Variants in GPR137 observed in about 807,000 individuals in gnomAD.
GPR137 encodes the protein integral membrane protein GPR137.
GPR137 carries 20 observed loss-of-function variants against 38.9 expected under a neutral mutation model. The ratio of observed to expected loss-of-function variants is 0.51; its 90% CI spans 0.36 to 0.75. The LOEUF is 0.75. Among genes scored for constraint, GPR137 ranks in the 30% least tolerant of loss-of-function variants. The probability of loss-of-function intolerance (pLI) is 0.00; values close to 1 mark genes in which losing one functional copy is unlikely to be tolerated. For synonymous variants in GPR137, 226 were observed against 235.8 expected (o/e 0.96, Z 0.38); for missense variants, 456 against 526.4 (o/e 0.87, Z 1.31).
upstream of GPR137, chr11:64,285,388 G>A (rs1021887579): frequency 3.9e-5 from 38 of 984,980 alleles, no homozygotes; most frequent in Middle Eastern, 5.2e-4. Context: ...CAGGTGAGCA[G>A]GGCCGCGGGC....
Position 64,288,897 on chromosome 11 carries a change from C to T in GPR137, c.1032-140C>T. 1.4e-6 allele frequency: 2 copies of T among 1,440,198 alleles called. No homozygotes were observed. Among genetic ancestry groups the T allele is most frequent in the Non-Finnish European group, 1.8e-6 (2 of 1,102,008 alleles). The allele number at this position is 1,440,198 out of a possible 1,614,324, so 89.2% of individuals were successfully genotyped here. A position where few individuals can be genotyped will look rare whatever the true frequency, so the allele number is the denominator to read the frequency against. ...GTTCCTATTGCTAAAGCCTCCACCT[C>T]TTGCCTAGAGATGTACTTTGTCCTG... On this transcript the variant is annotated intron_variant, in intron 6 of 6. Transcript: ENST00000438980. The surrounding 1 kb of genome is among the most constrained non-coding windows in gnomAD (Gnocchi z 5.5).
intron 2 of GPR137, chr11:64,277,186 T>C: frequency 3.5e-6 from 2 of 579,592 alleles, no homozygotes; most frequent in Non-Finnish European, 6.2e-6. Flanking sequence ...GTTTGGATCC[T>C]GCCCCTACCA....
chr11:64,278,722 C>T (rs1047743327), intron 2 of GPR137, among the ~76,000 whole-genome samples: 2 of 152,206 alleles, frequency 1.3e-5, no homozygotes, highest in Non-Finnish European at 2.9e-5. Flanking sequence ...AGACACTGGG[C>T]TGTGTGGGCT....
upstream of GPR137, chr11:64,284,329 C>G: frequency 6.2e-7 from 1 of 1,612,884 alleles, no homozygotes; most frequent in Middle Eastern, 1.6e-4. Flanking sequence ...GAGCTGGAGT[C>G]TTCCTGCTCA....
upstream of GPR137, chr11:64,284,409 C>T: frequency 6.2e-7 from 1 of 1,610,116 alleles, no homozygotes; most frequent in Non-Finnish European, 8.5e-7. Context: ...AGTCAAGGCA[C>T]AGCTGGGGCC....
upstream of GPR137, chr11:64,271,682 G>A (rs375657682): frequency 2.0e-4 from 300 of 1,483,948 alleles, no homozygotes; most frequent in Non-Finnish European, 2.4e-4. Context: ...CTGCCCAGAG[G>A]TTGGGGGGCG....
At position 64,286,159 on chromosome 11, in the gene GPR137, C is replaced by A; in HGVS notation, c.-366C>A. ...GGTATCAGCCGGCTCTCCCCCTCCACCCAGGACGACATGAACGACCGAGGC... is the reference window on the plus strand; with the variant it reads ...GGTATCAGCCGGCTCTCCCCCTCCAACCAGGACGACATGAACGACCGAGGC... On this transcript the variant is annotated 5_prime_UTR_variant, in exon 1 of 7. Transcript: ENST00000438980. 9.6e-7 allele frequency: 1 copy of A among 1,042,548 alleles called. No individual in the cohort carries two copies. The highest frequency in any genetic ancestry group is 1.2e-6 in the Non-Finnish European group (1 of 866,940). 64.6% of individuals were successfully genotyped at this position (1,042,548 alleles called of 1,614,324 possible). A position where few individuals can be genotyped will look rare whatever the true frequency, so the allele number is the denominator to read the frequency against.
At chr11:64,270,861 G>A (rs1395608382), upstream of GPR137, among the ~76,000 whole-genome samples, 1 of 147,320 alleles carries the variant, frequency 6.8e-6, no homozygotes, top group Admixed American at 6.7e-5. Context: ...CTTTGGCCTG[G>A]AGTGGGATCT....
upstream of GPR137, among the ~76,000 whole-genome samples, chr11:64,271,417 A>G (rs911737822): frequency 4.8e-5 from 7 of 145,984 alleles, no homozygotes; most frequent in East Asian, 2.0e-4. Context: ...CAGGCGGGGG[A>G]AGAGCTGGGG....
chr11:64,272,033 G>T (rs189169736), upstream of GPR137, among the ~76,000 whole-genome samples: 4 of 152,316 alleles, frequency 2.6e-5, no homozygotes, highest in Non-Finnish European at 5.9e-5. Flanking sequence ...AATCCTTACC[G>T]AGTGCCAATA....
In GPR137 at chr11:64,288,904, A is replaced by G. The variant is rs1469570641; in HGVS notation, c.1032-133A>G. On this transcript the variant is annotated intron_variant, in intron 6 of 6. Coordinates refer to ENST00000438980, the MANE Select transcript of GPR137 (RefSeq NM_001170880.2). This position sits in a 1 kb window ranked among gnomAD's most constrained non-coding sequence, Gnocchi z 5.5. ...TTGCTAAAGCCTCCACCTCTTGCCT[A>G]GAGATGTACTTTGTCCTGGGCCCCG... 1.2e-5 allele frequency: 17 copies of G among 1,436,254 alleles called. No individual in the cohort carries two copies. Among genetic ancestry groups the G allele is most frequent in the Non-Finnish European group, 1.5e-5 (17 of 1,098,588 alleles). The allele number at this position is 1,436,254 out of a possible 1,614,324, so 89.0% of individuals were successfully genotyped here.
chr11:64,286,307 C>G lies in GPR137; in HGVS notation c.-218C>G. ...GAGAAAAGAGACTGCCCTTCCATGC[C>G]CCTGAGTGAGGGGCCTGGGGCCCAG... On this transcript the variant is annotated 5_prime_UTR_variant, in exon 1 of 7. Transcript: ENST00000438980. 1 of 1,402,238 alleles carries G rather than the reference C, an allele frequency of 7.1e-7. No homozygotes were observed. Among genetic ancestry groups the G allele is most frequent in the Non-Finnish European group, 9.2e-7 (1 of 1,083,576 alleles). 86.9% of individuals were successfully genotyped at this position (1,402,238 alleles called of 1,614,324 possible).
Position 64,288,100 on chromosome 11 carries a change from C to T in GPR137, c.669C>T (p.Gly223=), listed in dbSNP as rs147288418. The T allele has an allele frequency of 1.4e-4, 221 of 1,612,014 alleles. No individual in the cohort carries two copies. Among genetic ancestry groups the T allele is most frequent in the African/African-American group, 2.9e-4 (22 of 75,028 alleles). ...TSVCQAAAMG[G]AMVLLYASRA... is the part of the protein sequence containing the mutation. ...TGTGCCAGGCGGCCGCGATGGGTGG[C>T]GCCATGGTCCTGCTCTATGCCAGCC... The change falls in exon 4 of 7, where the codon GGC becomes GGT. Residue 223 remains glycine, a synonymous_variant. Coordinates refer to ENST00000438980, the MANE Select transcript of GPR137 (RefSeq NM_001170880.2). The surrounding 1 kb of genome is among the most constrained non-coding windows in gnomAD (Gnocchi z 5.5).
intron 2 of GPR137, among the ~76,000 whole-genome samples, chr11:64,277,443 T>C (rs2033151142): frequency 6.6e-6 from 1 of 152,160 alleles, no homozygotes. Flanking sequence ...TTCCTTTTTG[T>C]TTTTAAAAAA....
chr11:64,288,853 A>G lies in GPR137; in HGVS notation c.1031+132A>G. The stretch of plus-strand genomic sequence containing the variant: ...CCATGGCCTTTGCTTCCCCATCTGT[A>G]CTAGGTGAGGTCCCCTGGGTTCCTA... On this transcript the variant is annotated intron_variant, in intron 6 of 6. Coordinates refer to ENST00000438980, the MANE Select transcript of GPR137 (RefSeq NM_001170880.2). This position sits in a 1 kb window ranked among gnomAD's most constrained non-coding sequence, Gnocchi z 5.5. 6.9e-7 allele frequency: 1 copy of G among 1,440,670 alleles called. No homozygotes were observed. Among genetic ancestry groups the G allele is most frequent in the East Asian group, 2.5e-5 (1 of 39,984 alleles). 89.2% of individuals were successfully genotyped at this position (1,440,670 alleles called of 1,614,324 possible).
chr11:64,284,650 C>T (rs1177656494), upstream of GPR137: 1 of 1,532,982 alleles, frequency 6.5e-7, no homozygotes, highest in Non-Finnish European at 8.7e-7. Flanking sequence ...GATCTCGAGG[C>T]CCCTGACCCG....
upstream of GPR137, chr11:64,285,316 G>A (rs886312461): frequency 8.1e-6 from 8 of 985,494 alleles, no homozygotes; most frequent in Non-Finnish European, 8.4e-6. Flanking sequence ...GAGGAGGGCC[G>A]GGGACCCGGT....
chr11:64,270,932 C>CACACA (rs2032478638), upstream of GPR137, among the ~76,000 whole-genome samples: 1 of 92,592 alleles, frequency 1.1e-5, no homozygotes. Context: ...CACACACACA[C>CACACA]GCCTGGAGTG....
chr11:64,288,845 C>T lies in GPR137; in HGVS notation c.1031+124C>T, dbSNP rs202135820. 6.9e-7 allele frequency: 1 copy of T among 1,446,454 alleles called. No individual in the cohort carries two copies. Among genetic ancestry groups the T allele is most frequent in the East Asian group, 2.5e-5 (1 of 40,228 alleles). The allele number at this position is 1,446,454 out of a possible 1,614,324, so 89.6% of individuals were successfully genotyped here. ...CACCCCTGCCATGGCCTTTGCTTCC[C>T]CATCTGTACTAGGTGAGGTCCCCTG... On this transcript the variant is annotated intron_variant, in intron 6 of 6. Coordinates refer to ENST00000438980, the MANE Select transcript of GPR137 (RefSeq NM_001170880.2). This position sits in a 1 kb window ranked among gnomAD's most constrained non-coding sequence, Gnocchi z 5.5.
Sources: allele counts gnomAD v4.1 joint callset (sites outside exome capture counted in the v4.1 genomes callset), GRCh38; gene constraint gnomAD v4.1.1; non-coding constraint Gnocchi (gnomAD v3.1); transcripts MANE v1.5; gene names NCBI Gene and HGNC (gene_info 2026-07-23, HGNC 2026-07-21).